Variants in CACNG8 observed in about 807,000 individuals in gnomAD.
The protein encoded by CACNG8 is calcium voltage-gated channel auxiliary subunit gamma 8, also known as voltage-dependent calcium channel gamma-8 subunit.
Under a neutral mutation model 26.9 loss-of-function variants are expected in CACNG8, and 5 were observed. The observed-to-expected ratio is 0.19, with a 90% CI of 0.10 to 0.39. The LOEUF is 0.39. Among genes scored for constraint, CACNG8 ranks in the 10% least tolerant of loss-of-function variants. The pLI, the probability that CACNG8 is intolerant of heterozygous loss-of-function variation, is 1.00. For synonymous variants in CACNG8, 321 were observed against 296.7 expected, an observed-to-expected ratio of 1.08 and a Z score of -0.84; for missense variants, 473 against 609.4, an observed-to-expected ratio of 0.78 and a Z score of 2.36.
chr19:53,982,003 C>A lies in CACNG8; in HGVS notation c.509-77C>A. The A allele has an allele frequency of 8.1e-7, 1 of 1,237,172 alleles. No individual in the cohort carries two copies. Among genetic ancestry groups the A allele is most frequent in the South Asian group, 1.5e-5 (1 of 66,614 alleles). 76.6% of individuals were successfully genotyped at this position (1,237,172 alleles called of 1,614,324 possible). On this transcript the variant is annotated intron_variant, in intron 3 of 3. Coordinates refer to ENST00000270458, the MANE Select transcript of CACNG8 (RefSeq NM_031895.6). The surrounding 1 kb of genome is among the most constrained non-coding windows in gnomAD (Gnocchi z 8.4). The stretch of plus-strand genomic sequence containing the variant: ...TGGCGCCTGGGCCCGCTGGCGCAGG[C>A]GGGCAGGGGTCGGGGCCGGGGGCGG...
intron 1 of CACNG8, among the ~76,000 whole-genome samples, chr19:53,964,256 C>CG (rs2069260108): frequency 6.6e-6 from 1 of 151,626 alleles, no homozygotes; most frequent in Admixed American, 6.6e-5. Context: ...CCCCCTTTCA[C>CG]GGCCCAGTCT....
rs373525929 is a variant in CACNG8, at chr19:53,968,439, T to C, written c.283+5014T>C. Among the ~76,000 whole-genome samples the C allele has an allele frequency of 4.0e-5, 6 of 151,226 alleles. No individual in the cohort carries two copies. The East Asian group carries it at 7.8e-4, about 20-fold the overall frequency. On this transcript the variant is annotated intron_variant, in intron 1 of 3. Coordinates refer to ENST00000270458, the MANE Select transcript of CACNG8 (RefSeq NM_031895.6). ...CAAATGATAAAATGTCCTTATGTCA[T>C]TGAAGGCTTAAGCTTTCGGCCAGTC...
chr19:53,971,828 CCGCACTG>C (rs1276117302), intron 1 of CACNG8, among the ~76,000 whole-genome samples: 1 of 152,210 alleles, frequency 6.6e-6, no homozygotes, highest in East Asian at 1.9e-4. Context: ...CTCCACGTGT[CCGCACTG>C]CAAGAAAGCT....
At chr19:53,974,614 C>A (rs922595395) in intron 1 of CACNG8, among the ~76,000 whole-genome samples, 5 of 144,728 alleles carry the variant, frequency 3.5e-5, no homozygotes, top group Non-Finnish European at 7.5e-5. Context: ...CTTCATAACA[C>A]GTGTTATTTT....
At chr19:53,964,530 G>C (rs969175192) in intron 1 of CACNG8, among the ~76,000 whole-genome samples, 2 of 151,754 alleles carry the variant, frequency 1.3e-5, no homozygotes, top group Admixed American at 6.6e-5. Context: ...TTCCTGACTC[G>C]ATGCCTCAGG....
At chr19:53,980,517 C>G (rs1199647734) in intron 3 of CACNG8, among the ~76,000 whole-genome samples, 4 of 151,976 alleles carry the variant, frequency 2.6e-5, no homozygotes, top group Admixed American at 2.0e-4. Flanking sequence ...GGAAACCGTC[C>G]AGGGCCGGGA....
In CACNG8 at chr19:53,984,255, C is replaced by G. The variant is rs1286690661; in HGVS notation, c.*1406C>G. 6.6e-6 allele frequency: 1 copy of G among 152,214 alleles called. No homozygotes were observed. The highest frequency in any genetic ancestry group is 6.5e-5 in the Admixed American group (1 of 15,268). 9.4% of individuals were successfully genotyped at this position (152,214 alleles called of 1,614,324 possible). ...AAGGTACCAGGAAGTGTGTTAGGAT[C>G]CAGATCCCCAGGGGTGAAACAGACT... On this transcript the variant is annotated 3_prime_UTR_variant, in exon 4 of 4. Coordinates refer to ENST00000270458, the MANE Select transcript of CACNG8 (RefSeq NM_031895.6).
At position 53,983,012 on chromosome 19, in the gene CACNG8, G is replaced by A. The variant is rs28970637; in HGVS notation, c.*163G>A. The A allele has an allele frequency of 0.013, 4,711 of 353,118 alleles. 181 individuals are homozygous for A. The highest frequency in any genetic ancestry group is 0.081 in the African/African-American group (3,718 of 45,734). The allele number at this position is 353,118 out of a possible 1,614,324, so 21.9% of individuals were successfully genotyped here. ...CTCCCCGCCCCCCTCCCCCTCCGAA[G>A]CAGGGACCCCGAGGGAGGGGGCAGG... On this transcript the variant is annotated 3_prime_UTR_variant, in exon 4 of 4. Coordinates refer to ENST00000270458, the MANE Select transcript of CACNG8 (RefSeq NM_031895.6).
chr19:53,982,031 G>GCGGGGC lies in CACNG8; in HGVS notation c.509-43_509-38dup, dbSNP rs1160160395. ...GCAGGGGTCGGGGCCGGGGGCGGGG[G>GCGGGGC]CGGGGCCGGGGGTGGCCTCGAGGCT... On this transcript the variant is annotated intron_variant, in intron 3 of 3. Transcript: ENST00000270458. This position sits in a 1 kb window ranked among gnomAD's most constrained non-coding sequence, Gnocchi z 8.4. 1.5e-5 allele frequency: 23 copies of GCGGGGC among 1,504,570 alleles called. No individual in the cohort carries two copies. Among genetic ancestry groups the GCGGGGC allele is most frequent in the Admixed American group, 2.2e-5 (1 of 45,260 alleles). The allele number at this position is 1,504,570 out of a possible 1,614,324, so 93.2% of individuals were successfully genotyped here.
intron 1 of CACNG8, among the ~76,000 whole-genome samples, chr19:53,966,463 C>T (rs937314568): frequency 2.6e-5 from 4 of 151,800 alleles, no homozygotes; most frequent in Admixed American, 6.6e-5. Context: ...CCCAGGCTGG[C>T]GTGCAGTGGT....
intron 1 of CACNG8, among the ~76,000 whole-genome samples, chr19:53,975,244 G>A (rs1330564093): frequency 2.6e-5 from 4 of 151,994 alleles, no homozygotes; most frequent in Admixed American, 2.6e-4. Flanking sequence ...TCCTGCGCCT[G>A]GCCTATTTTG....
rs1420325987 is a variant in CACNG8 at position 53,982,219 on chromosome 19, C to T, written c.648C>T (p.Ala216=). ...TCGGCGGGCTGTCGTTCATCCTGGC[C>T]GAGGTGATAGGCGTGCTGGCCGTCA... Residue 216 remains alanine (A), a synonymous_variant, in exon 4 of 4, where the codon GCC becomes GCT. Transcript: ENST00000270458. The surrounding 1 kb of genome is among the most constrained non-coding windows in gnomAD (Gnocchi z 8.4). 6.2e-7 allele frequency: 1 copy of T among 1,613,110 alleles called. No homozygotes were observed.
intron 3 of CACNG8, 68 bp downstream of exon 3, chr19:53,980,075 TGTGTGTGTGTGCGC>T: frequency 1.4e-6 from 2 of 1,439,158 alleles, no homozygotes; most frequent in Non-Finnish European, 1.8e-6. Flanking sequence ...TGTGTGTGTG[TGTGTGTGTGTGCGC>T]GCGCGCGCGT....
chr19:53,978,053 G>T, intron 1 of CACNG8, 93 bp from the exon 2 acceptor site: 1 of 835,628 alleles, frequency 1.2e-6, no homozygotes, highest in Non-Finnish European at 2.0e-6. Context: ...GAGAGAAGGG[G>T]TTTGGGGAAG....
rs932334356 is a variant in CACNG8, at chr19:53,983,911, C to T, written c.*1062C>T. On this transcript the variant is annotated 3_prime_UTR_variant, in exon 4 of 4. Coordinates refer to ENST00000270458, the MANE Select transcript of CACNG8 (RefSeq NM_031895.6). The stretch of plus-strand genomic sequence containing the variant: ...CCAGATTGTGCAGGGGCTCGTAGGT[C>T]AGGAGTTCAGATTTTATTCTAGGAG... 6.6e-6 allele frequency: 1 copy of T among 152,418 alleles called. No individual in the cohort carries two copies. The highest frequency in any genetic ancestry group is 1.5e-5 in the Non-Finnish European group (1 of 68,232). The allele number at this position is 152,418 out of a possible 1,614,324, so 9.4% of individuals were successfully genotyped here.
intron 1 of CACNG8, among the ~76,000 whole-genome samples, chr19:53,967,896 T>C (rs2069280427): frequency 6.6e-6 from 1 of 152,190 alleles, no homozygotes. Context: ...ATCTTCTTCT[T>C]TGACATTTTC....
chr19:53,970,054 T>C lies in CACNG8; in HGVS notation c.283+6629T>C, dbSNP rs1387036096. 3.3e-5 allele frequency among the ~76,000 whole-genome samples: 5 copies of C among 150,930 alleles called. No homozygotes were observed. In the South Asian group the frequency reaches 6.3e-4, roughly 19 times the overall value. On this transcript the variant is annotated intron_variant, in intron 1 of 3. Coordinates refer to ENST00000270458, the MANE Select transcript of CACNG8 (RefSeq NM_031895.6). ...GAGGCTGGCAGGGCGCGGTGGCTCA[T>C]GCCTGTAATCCCAGCACTTTGGGAG...
chr19:53,970,515 C>T (rs2069296270), intron 1 of CACNG8, among the ~76,000 whole-genome samples: 1 of 150,176 alleles, frequency 6.7e-6, no homozygotes, highest in African/African-American at 2.5e-5. Flanking sequence ...GTCCCAGCTA[C>T]TGGGGAGGCT....
Position 53,982,259 on chromosome 19 carries a change from C to G in CACNG8, c.688C>G (p.Arg230Gly). ...GCTGGCCGTCAACATCTACATCGAG[C>G]GCAGCCGCGAGGCGCACTGCCAGTC... The change falls in exon 4 of 4, where the codon CGC (arginine) becomes GGC (glycine). Residue 230 changes from arginine (R) to glycine (G), a missense_variant. Arg to Gly is a moderately radical substitution (Grantham distance 125, BLOSUM62 -2). Coordinates refer to ENST00000270458, the MANE Select transcript of CACNG8 (RefSeq NM_031895.6). The surrounding 1 kb of genome is among the most constrained non-coding windows in gnomAD (Gnocchi z 8.4). 6.2e-7 allele frequency: 1 copy of G among 1,612,398 alleles called. No individual in the cohort carries two copies. The highest frequency in any genetic ancestry group is 8.5e-7 in the Non-Finnish European group (1 of 1,179,538).
Sources: gnomAD v4.1 joint callset for allele counts (sites outside exome capture counted in the v4.1 genomes callset) on GRCh38, gnomAD v4.1.1 for gene constraint, Gnocchi (gnomAD v3.1) non-coding constraint, MANE v1.5 for transcripts, NCBI Gene and HGNC (gene_info 2026-07-23, HGNC 2026-07-21) for gene names.